ABCC12: variants seen among roughly 807,000 people sequenced by gnomAD.
The protein encoded by ABCC12 is ATP-binding cassette sub-family C member 12.
ABCC12 carries 142 observed loss-of-function variants against 151.1 expected under a neutral mutation model. The observed-to-expected ratio is 0.94, with a 90% confidence interval of 0.82 to 1.08. The LOEUF is 1.08. Ranked by LOEUF, ABCC12 falls within the 50% of genes least tolerant of loss-of-function variation. ABCC12 has a pLI of 0.00. For missense variants in ABCC12, 1,638 were observed against 1,691.1 expected, an observed-to-expected ratio of 0.97 and a Z score of 0.55; for synonymous variants, 645 against 646.4, an observed-to-expected ratio of 1.00 and a Z score of 0.03.
chr16:48,107,573 G>A, intron 19 of ABCC12, 148 bp from the exon 20 acceptor site: 1 of 653,868 alleles, frequency 1.5e-6, no homozygotes, highest in Non-Finnish European at 2.7e-6. Flanking sequence ...GACTGATGCA[G>A]CACATCTGAG....
rs369972977 is a variant in ABCC12, at chr16:48,107,330, C to T, written c.2467G>A (p.Gly823Ser). 5.0e-6 allele frequency: 8 copies of T among 1,613,996 alleles called. No individual in the cohort carries two copies. In the African/African-American group the frequency reaches 8.0e-5, roughly 16 times the overall value. ...NWWLGLWLDKGSRMTCGPQGN... is the reference protein window; with the variant it reads ...NWWLGLWLDKSSRMTCGPQGN... ...GCCAAAGGGAAACTCACCCGTGAGC[C>T]CTTGTCCAACCAGAGACCCAGCCAC... The change falls in exon 20 of 31, where the codon GGC becomes AGC. Residue 823 changes from glycine to serine, a missense_variant. Transcript: ENST00000311303.
chr16:48,107,622 G>C (rs1963540906), intron 19 of ABCC12, among the ~76,000 whole-genome samples, 197 bp from the exon 20 acceptor site: 1 of 152,196 alleles, frequency 6.6e-6, no homozygotes, highest in African/African-American at 2.4e-5. Flanking sequence ...TGTTCTACCT[G>C]GTTGGAAAAT....
intron 23 of ABCC12, among the ~76,000 whole-genome samples, chr16:48,100,015 A>G (rs968500870): frequency 6.7e-6 from 1 of 150,284 alleles, no homozygotes; most frequent in Non-Finnish European, 1.5e-5. Flanking sequence ...GCTAGAGAGC[A>G]GTAGCACAAT....
At chr16:48,090,378 C>G (rs1033716822) in intron 25 of ABCC12, among the ~76,000 whole-genome samples, 11 of 151,744 alleles carry the variant, frequency 7.2e-5, no homozygotes, top group South Asian at 2.1e-4. Context: ...TAGGTGCATG[C>G]CACCACACGT....
rs76079844 is a variant in ABCC12, at chr16:48,096,083, A to G, written c.3195+663T>C. 1.2e-3 allele frequency among the ~76,000 whole-genome samples: 178 copies of G among 152,316 alleles called. 3 individuals carry two copies. In the East Asian group the frequency reaches 0.03, roughly 26 times the overall value. On this transcript the variant is annotated intron_variant, in intron 24 of 30. Transcript: ENST00000311303. ...GGTTGTTGTGGGGAGGAAATGAATT[A>G]ATTTAGTTAAAAGACAGGGCCTGAA...
rs372899428 is a variant in ABCC12 at position 48,108,583 on chromosome 16, C to T, written c.2282-54G>A. The T allele has an allele frequency of 1.5e-3, 2,298 of 1,495,514 alleles. 1 individual carries two copies. The highest frequency in any genetic ancestry group is 2.0e-3 in the Non-Finnish European group (2,187 of 1,077,484). The allele number at this position is 1,495,514 out of a possible 1,614,324, so 92.6% of individuals were successfully genotyped here. ...TCTCACCACTGGGGTGGGGGCCCAG[C>T]GAGGTAGGCACGGCCCCTCCACAGA... On this transcript the variant is annotated intron_variant, in intron 18 of 30. Coordinates refer to ENST00000311303, the MANE Select transcript of ABCC12 (RefSeq NM_001393797.1).
intron 19 of ABCC12, 92 bp downstream of exon 19, chr16:48,108,348 G>T (rs1963569385): frequency 1.6e-6 from 2 of 1,214,018 alleles, no homozygotes; most frequent in Non-Finnish European, 2.4e-6. Context: ...CAGAATAATT[G>T]TTAAAGAAAT....
intron 5 of ABCC12, 69 bp downstream of exon 5, chr16:48,141,137 A>G: frequency 6.3e-7 from 1 of 1,582,834 alleles, no homozygotes; most frequent in Non-Finnish European, 8.6e-7. Flanking sequence ...CTCGTAGAGA[A>G]AGTAACTAAT....
chr16:48,130,713 A>C (rs1408712842), intron 10 of ABCC12, 75 bp downstream of exon 10: 1 of 1,203,304 alleles, frequency 8.3e-7, no homozygotes, highest in Non-Finnish European at 1.2e-6. Context: ...AGCTTGGTAC[A>C]GCCTCCACAT....
intron 29 of ABCC12, among the ~76,000 whole-genome samples, chr16:48,085,378 G>C (rs572440313): frequency 1.4e-4 from 22 of 152,238 alleles, no homozygotes; most frequent in African/African-American, 4.8e-4. Flanking sequence ...CTCCCCAGGG[G>C]AAGCCTGGGA....
At chr16:48,138,598 G>C (rs1230677986) in intron 7 of ABCC12, among the ~76,000 whole-genome samples, 1 of 152,174 alleles carries the variant, frequency 6.6e-6, no homozygotes, top group Non-Finnish European at 1.5e-5. Flanking sequence ...AGGACTCAAA[G>C]AGAGTGCTGG....
intron 2 of ABCC12, among the ~76,000 whole-genome samples, chr16:48,151,202 T>C (rs1410289092): frequency 1.3e-5 from 2 of 152,178 alleles, no homozygotes; most frequent in Admixed American, 6.5e-5. Flanking sequence ...CTTAATATGA[T>C]GGGGCAAAAA....
chr16:48,155,902 T>C lies in ABCC12; in HGVS notation c.-381A>G, dbSNP rs1965179034. On this transcript the variant is annotated 5_prime_UTR_variant, in exon 1 of 31. An upstream start codon of the reference 5' UTR is lost. Transcript: ENST00000311303. The stretch of plus-strand genomic sequence containing the variant: ...CAGTCATGGGGCTCAGAGCCTGGCA[T>C]CTGCTGCCCAGGACTCCAGGGCCTG... 1 of 152,280 alleles carries C rather than the reference T, an allele frequency of 6.6e-6. No individual in the cohort carries two copies. Among genetic ancestry groups the C allele is most frequent in the African/African-American group, 2.4e-5 (1 of 41,414 alleles). 9.4% of individuals were successfully genotyped at this position (152,280 alleles called of 1,614,324 possible).
intron 12 of ABCC12, among the ~76,000 whole-genome samples, chr16:48,122,499 A>G (rs1210497308): frequency 6.6e-6 from 1 of 152,224 alleles, no homozygotes. Flanking sequence ...ATGACCCCTC[A>G]TCGTGGGCAT....
intron 11 of ABCC12, among the ~76,000 whole-genome samples, chr16:48,126,525 T>C (rs7204946): frequency 2.0e-5 from 3 of 152,202 alleles, no homozygotes; most frequent in African/African-American, 7.2e-5. Flanking sequence ...AAGCTGGACA[T>C]AATTGTTAAA....
intron 13 of ABCC12, among the ~76,000 whole-genome samples, chr16:48,120,551 G>GT (rs1964030614): frequency 6.7e-6 from 1 of 148,226 alleles, no homozygotes; most frequent in Admixed American, 6.6e-5. Flanking sequence ...GTATTAATGA[G>GT]TTTTTTGTTT....
intron 29 of ABCC12, among the ~76,000 whole-genome samples, chr16:48,084,861 G>C (rs902471945): frequency 1.3e-5 from 2 of 152,132 alleles, no homozygotes; most frequent in Admixed American, 6.5e-5. Context: ...GGACGGATTT[G>C]ATTTAGCAAA....
At chr16:48,113,283 C>G (rs936011263) in intron 15 of ABCC12, among the ~76,000 whole-genome samples, 1 of 152,232 alleles carries the variant, frequency 6.6e-6, no homozygotes, top group Non-Finnish European at 1.5e-5. Context: ...CTCCCTCCCA[C>G]TAACTGCCCA....
chr16:48,130,933 G>A (rs774659337), intron 9 of ABCC12, 38 bp from the exon 10 acceptor site: 1 of 1,473,770 alleles, frequency 6.8e-7, no homozygotes, highest in Admixed American at 1.7e-5. Context: ...TTTAGAAGGA[G>A]AAGTCACGTT....
Sources: allele counts gnomAD v4.1 joint callset (sites outside exome capture counted in the v4.1 genomes callset), GRCh38; gene constraint gnomAD v4.1.1; transcripts MANE v1.5; gene names NCBI Gene and HGNC (gene_info 2026-07-23, HGNC 2026-07-21).